The following TRPC5 variants were observed in gnomAD, a reference collection of about 807,000 sequenced individuals.
TRPC5 encodes the protein short transient receptor potential channel 5.
Under a neutral mutation model 56.5 loss-of-function variants are expected in TRPC5, and 9 were observed. The observed-to-expected ratio is 0.16, with a 90% CI of 0.10 to 0.28. The LOEUF (loss-of-function observed/expected upper bound fraction) is 0.28, where lower values mean the gene tolerates loss of function less well. Ranked by LOEUF, TRPC5 falls within the 10% of genes least tolerant of loss-of-function variation. TRPC5 has a pLI of 1.00. For synonymous variants in TRPC5, 282 were observed against 278.5 expected, an observed-to-expected ratio of 1.01 and a Z score of -0.13; for missense variants, 469 against 748.9, an observed-to-expected ratio of 0.63 and a Z score of 4.36.
chrX:112,051,995 T>C lies in TRPC5; in HGVS notation c.-22+29884A>G, dbSNP rs994653035. Among the ~76,000 whole-genome samples, 5 of 112,074 alleles carry C rather than the reference T, an allele frequency of 4.5e-5. No individual in the cohort carries two copies. The Admixed American group carries it at 4.8e-4, about 11-fold the overall frequency. On this transcript the variant is annotated intron_variant, in intron 1 of 10. Coordinates refer to ENST00000262839, the MANE Select transcript of TRPC5 (RefSeq NM_012471.3). ...GCTGAATAATACTCCATTGTATGTA[T>C]ATGTCACATTTTGTTTTCCACACAT...
At chrX:111,976,637 G>C (rs1927936638) in intron 1 of TRPC5, among the ~76,000 whole-genome samples, 1 of 110,601 alleles carries the variant, frequency 9.0e-6, no homozygotes, top group Non-Finnish European at 1.9e-5. Context: ...TCTACCCAGA[G>C]CAATTAGGCA....
intron 7 of TRPC5, among the ~76,000 whole-genome samples, chrX:111,805,469 T>G (rs1183807466): frequency 9.0e-6 from 1 of 111,330 alleles, no homozygotes; most frequent in Non-Finnish European, 1.9e-5. Flanking sequence ...CGGCTGTGAA[T>G]CCATCTGGAC....
chrX:111,964,529 C>G (rs185828202), intron 1 of TRPC5, among the ~76,000 whole-genome samples: 53 of 111,883 alleles, frequency 4.7e-4, no homozygotes, highest in African/African-American at 1.7e-3. Context: ...TTGTCAGATT[C>G]ACCAAAGTTG....
intron 6 of TRPC5, among the ~76,000 whole-genome samples, chrX:111,843,715 G>C (rs1451719013): frequency 9.0e-6 from 1 of 110,878 alleles, no homozygotes; most frequent in Non-Finnish European, 1.9e-5. Context: ...AAGCCAGTGG[G>C]AGCCAGGATG....
intron 7 of TRPC5, among the ~76,000 whole-genome samples, chrX:111,813,374 G>A (rs1921768746): frequency 1.8e-5 from 2 of 112,205 alleles, no homozygotes; most frequent in South Asian, 3.7e-4. Context: ...CACAGTGTGA[G>A]TATATATACT....
intron 1 of TRPC5, among the ~76,000 whole-genome samples, chrX:111,978,020 T>C (rs544794701): frequency 3.6e-5 from 4 of 111,386 alleles, no homozygotes; most frequent in African/African-American, 1.3e-4. Flanking sequence ...CTTGTGGGAA[T>C]GTAAATTAGT....
At chrX:111,898,874 C>T (rs1046858875) in intron 3 of TRPC5, among the ~76,000 whole-genome samples, 2 of 109,659 alleles carry the variant, frequency 1.8e-5, no homozygotes, top group African/African-American at 3.3e-5. Flanking sequence ...CCCACTCCTC[C>T]CCCACCAAGG....
intron 3 of TRPC5, among the ~76,000 whole-genome samples, chrX:111,894,594 G>C (rs1348761997): frequency 9.0e-6 from 1 of 111,535 alleles, no homozygotes; most frequent in African/African-American, 3.3e-5. Context: ...AAGGGACACT[G>C]CCCTGCACAT....
chrX:111,915,625 C>A (rs1925952404), intron 2 of TRPC5, among the ~76,000 whole-genome samples: 1 of 111,785 alleles, frequency 8.9e-6, no homozygotes, highest in South Asian at 3.8e-4. Flanking sequence ...TTTTCTGATG[C>A]TGTCTTACAT....
At chrX:111,969,177 C>T (rs1927710485) in intron 1 of TRPC5, among the ~76,000 whole-genome samples, 1 of 111,028 alleles carries the variant, frequency 9.0e-6, no homozygotes, top group South Asian at 3.8e-4. Context: ...AAGATTATGA[C>T]TTGCTGAAAA....
At chrX:112,062,890 G>A (rs1930490882) in intron 1 of TRPC5, among the ~76,000 whole-genome samples, 1 of 111,708 alleles carries the variant, frequency 9.0e-6, no homozygotes, top group South Asian at 3.8e-4. Flanking sequence ...GGACCAGCTC[G>A]GAGGCTTAGC....
At chrX:111,877,677 G>A (rs760854370) in intron 3 of TRPC5, among the ~76,000 whole-genome samples, 2 of 111,156 alleles carry the variant, frequency 1.8e-5, no homozygotes, top group African/African-American at 3.3e-5. Context: ...TGCATAGCAT[G>A]AGATTGTAAC....
rs182531600 is a variant in TRPC5 at position 111,950,062 on chromosome X, C to T, written c.378+1981G>A. ...TGAGTTGGCTGGGCGCGGTGGCTCA[C>T]GCCTGTAATCCCAGCACTTTGGGAG... On this transcript the variant is annotated intron_variant, in intron 2 of 10. Coordinates refer to ENST00000262839, the MANE Select transcript of TRPC5 (RefSeq NM_012471.3). Among the ~76,000 whole-genome samples the T allele has an allele frequency of 1.6e-4, 18 of 111,639 alleles. No homozygotes were observed. In the East Asian group the frequency reaches 2.5e-3, roughly 16 times the overall value.
chrX:112,022,628 TAGAAAAGGCATGGTTATGAGAGGA>T (rs1929301208), intron 1 of TRPC5, among the ~76,000 whole-genome samples: 1 of 112,388 alleles, frequency 8.9e-6, no homozygotes, highest in South Asian at 3.7e-4. Context: ...CTATGGACTC[TAGAAAAGGCATGGTTATGAGAGGA>T]AGAAAAGTTT....
chrX:111,907,487 T>C (rs1419527243), intron 3 of TRPC5, among the ~76,000 whole-genome samples: 1 of 109,515 alleles, frequency 9.1e-6, no homozygotes, highest in Non-Finnish European at 1.9e-5. Flanking sequence ...TAGCCAGGCG[T>C]GGTGGTGCAT....
intron 1 of TRPC5, among the ~76,000 whole-genome samples, chrX:112,067,976 A>T (rs150364908): frequency 9.4e-4 from 106 of 112,612 alleles, no homozygotes; most frequent in Middle Eastern, 4.6e-3. Flanking sequence ...ACTATCTGGT[A>T]AGGTAGATGA....
chrX:111,834,822 G>T, intron 7 of TRPC5, 99 bp downstream of exon 7: 1 of 614,144 alleles, frequency 1.6e-6, no homozygotes, highest in Non-Finnish European at 2.5e-6. Flanking sequence ...AATTAATTGA[G>T]GCAGACGAAC....
intron 7 of TRPC5, among the ~76,000 whole-genome samples, chrX:111,814,915 T>C (rs939981496): frequency 7.2e-5 from 8 of 111,137 alleles, no homozygotes; most frequent in Non-Finnish European, 1.5e-4. Context: ...TCCAGCTCCA[T>C]TCCAGCTCTC....
chrX:111,840,808 A>G (rs756986668), intron 6 of TRPC5, among the ~76,000 whole-genome samples: 46 of 112,526 alleles, frequency 4.1e-4, no homozygotes, highest in African/African-American at 1.4e-3. Context: ...CATTAATAAT[A>G]GCAGCTATTC....
Sources: gnomAD v4.1 joint callset for allele counts (sites outside exome capture counted in the v4.1 genomes callset) on GRCh38, gnomAD v4.1.1 for gene constraint, MANE v1.5 for transcripts, NCBI Gene and HGNC (gene_info 2026-07-23, HGNC 2026-07-21) for gene names.